The following ARHGAP15 variants were observed in gnomAD, a reference collection of about 807,000 sequenced individuals.
ARHGAP15 encodes rho GTPase-activating protein 15.
A neutral mutation model predicts 63.7 loss-of-function variants in ARHGAP15; 51 were observed. The observed-to-expected ratio is 0.80, with a 90% CI of 0.64 to 1.01. The LOEUF is 1.01. Among genes scored for constraint, ARHGAP15 ranks in the 50% least tolerant of loss-of-function variants. The pLI is 0.00. For synonymous variants in ARHGAP15, 191 were observed against 193.8 expected, an observed-to-expected ratio of 0.99 and a Z score of 0.12; for missense variants, 560 against 564.6, an observed-to-expected ratio of 0.99 and a Z score of 0.08.
chr2:143,738,809 G>A (rs558147281), intron 13 of ARHGAP15, among the ~76,000 whole-genome samples: 32 of 152,156 alleles, frequency 2.1e-4, no homozygotes, highest in African/African-American at 5.5e-4. Context: ...TGTCCTTAAC[G>A]CCAGGTTAAA....
intron 6 of ARHGAP15, among the ~76,000 whole-genome samples, chr2:143,362,648 C>T (rs1014196302): frequency 1.1e-4 from 16 of 152,144 alleles, no homozygotes; most frequent in African/African-American, 3.9e-4. Context: ...CAAGACTAAA[C>T]AAGAATACTT....
chr2:143,544,774 C>A (rs1025954272), intron 10 of ARHGAP15, among the ~76,000 whole-genome samples: 1 of 152,192 alleles, frequency 6.6e-6, no homozygotes, highest in African/African-American at 2.4e-5. Flanking sequence ...TTGATCTGTT[C>A]TTCCATTTAA....
intron 9 of ARHGAP15, among the ~76,000 whole-genome samples, chr2:143,493,235 A>C (rs1458291658): frequency 6.6e-6 from 1 of 152,196 alleles, no homozygotes; most frequent in African/African-American, 2.4e-5. Flanking sequence ...CTCTCCTTTT[A>C]CATTTGAGGG....
At chr2:143,557,396 A>G (rs1038823111) in intron 11 of ARHGAP15, among the ~76,000 whole-genome samples, 7 of 152,128 alleles carry the variant, frequency 4.6e-5, no homozygotes, top group African/African-American at 1.2e-4. Flanking sequence ...GTGAAAAGGT[A>G]TGATTCCAAC....
At chr2:143,636,017 A>G (rs1328806054) in intron 12 of ARHGAP15, among the ~76,000 whole-genome samples, 1 of 152,126 alleles carries the variant, frequency 6.6e-6, no homozygotes, top group Non-Finnish European at 1.5e-5. Flanking sequence ...TCAAATACCT[A>G]AAGCCTGAGT....
intron 13 of ARHGAP15, among the ~76,000 whole-genome samples, chr2:143,749,200 C>A (rs754254953): frequency 6.6e-6 from 1 of 152,172 alleles, no homozygotes; most frequent in African/African-American, 2.4e-5. Context: ...CTGCATTCTG[C>A]CTGCAGTGGC....
chr2:143,303,958 G>A (rs1028801682), intron 6 of ARHGAP15, among the ~76,000 whole-genome samples: 1 of 152,066 alleles, frequency 6.6e-6, no homozygotes, highest in African/African-American at 2.4e-5. Context: ...GAAACAACAG[G>A]TGCTGGAGAG....
At chr2:143,683,071 A>T (rs537242140) in intron 12 of ARHGAP15, 2 of 152,336 alleles carry the variant, frequency 1.3e-5, no homozygotes, top group Admixed American at 1.3e-4. Flanking sequence ...ACATATTGTT[A>T]TTTAAGCCTT....
At chr2:143,703,668 A>T in intron 13 of ARHGAP15, 144 bp downstream of exon 13, 1 of 611,020 alleles carries the variant, frequency 1.6e-6, no homozygotes, top group Non-Finnish European at 2.8e-6. Flanking sequence ...TTTCTGCAGA[A>T]GCTGGAGAAT....
At chr2:143,427,007 A>G (rs1254831766) in intron 6 of ARHGAP15, among the ~76,000 whole-genome samples, 4 of 152,026 alleles carry the variant, frequency 2.6e-5, no homozygotes, top group African/African-American at 9.7e-5. Flanking sequence ...ATATTTCTCT[A>G]TAAGCATCTA....
At chr2:143,299,635 C>T (rs1012492175) in intron 6 of ARHGAP15, among the ~76,000 whole-genome samples, 1 of 151,908 alleles carries the variant, frequency 6.6e-6, no homozygotes, top group Non-Finnish European at 1.5e-5. Context: ...ATGGTACTCT[C>T]TCTCCTTTTC....
intron 2 of ARHGAP15, among the ~76,000 whole-genome samples, chr2:143,187,398 A>G (rs1574066380): frequency 6.6e-6 from 1 of 152,184 alleles, no homozygotes. Flanking sequence ...GCAGAAGGGT[A>G]TGGCCTCTAC....
chr2:143,632,150 T>G (rs1034205907), intron 12 of ARHGAP15, among the ~76,000 whole-genome samples: 7 of 152,056 alleles, frequency 4.6e-5, no homozygotes, highest in Admixed American at 3.3e-4. Flanking sequence ...GTTTCCAAAG[T>G]TGCCTTTTGT....
At chr2:143,500,469 T>C (rs1417959900) in intron 9 of ARHGAP15, among the ~76,000 whole-genome samples, 1 of 152,140 alleles carries the variant, frequency 6.6e-6, no homozygotes, top group African/African-American at 2.4e-5. Flanking sequence ...TAATTACAAT[T>C]TGTGGAATAA....
Position 143,228,617 on chromosome 2 carries a change from T to A in ARHGAP15, c.333T>A (p.Ser111Arg). The change falls in exon 5 of 14, where the codon AGT becomes AGA. Residue 111 changes from serine (S) to arginine (R), a missense_variant. Physicochemically the swap from Ser to Arg is moderately radical, Grantham distance 110. Transcript: ENST00000295095. ...NWSTSWIVLSSRRIEFYKESK... is the reference protein window; with the variant it reads ...NWSTSWIVLSRRRIEFYKESK... ...CTACTTCCTGGATTGTTCTTTCTAG[T>A]CGAAGAATTGAATTTTACAAAGAAT... The A allele has an allele frequency of 6.2e-7, 1 of 1,610,148 alleles. No homozygotes were observed. Among genetic ancestry groups the A allele is most frequent in the Non-Finnish European group, 8.5e-7 (1 of 1,178,256 alleles).
At chr2:143,366,864 T>A (rs1686315964) in intron 6 of ARHGAP15, among the ~76,000 whole-genome samples, 1 of 151,996 alleles carries the variant, frequency 6.6e-6, no homozygotes, top group Non-Finnish European at 1.5e-5. Flanking sequence ...ATAAAATACA[T>A]AAAGGGTGGT....
chr2:143,434,870 G>A (rs1452771354), intron 6 of ARHGAP15, among the ~76,000 whole-genome samples: 4 of 151,980 alleles, frequency 2.6e-5, no homozygotes, highest in Non-Finnish European at 4.4e-5. Flanking sequence ...ACAAGTCTGG[G>A]GAGAAAAAGA....
intron 1 of ARHGAP15, among the ~76,000 whole-genome samples, chr2:143,131,592 A>AT (rs1317880590): frequency 6.6e-6 from 1 of 152,256 alleles, no homozygotes; most frequent in East Asian, 1.9e-4. Flanking sequence ...AGACCCTTCC[A>AT]TTCACTGGCT....
chr2:143,223,574 CCAT>C (rs1693083956), intron 4 of ARHGAP15, among the ~76,000 whole-genome samples: 1 of 152,100 alleles, frequency 6.6e-6, no homozygotes, highest in African/African-American at 2.4e-5. Context: ...TGCCTGCTGA[CCAT>C]CATGATAGGG....
Sources: gnomAD v4.1 joint callset for allele counts (sites outside exome capture counted in the v4.1 genomes callset) on GRCh38, gnomAD v4.1.1 for gene constraint, MANE v1.5 for transcripts, NCBI Gene and HGNC (gene_info 2026-07-23, HGNC 2026-07-21) for gene names.